The following ENTPD8 variants were observed in gnomAD, a reference collection of about 807,000 sequenced individuals.
ENTPD8 encodes the protein E-NTPDase 8.
Under a neutral mutation model 47.0 loss-of-function variants are expected in ENTPD8, and 35 were observed. The ratio of observed to expected loss-of-function variants is 0.75; its 90% CI spans 0.57 to 0.99. ENTPD8 has a LOEUF of 0.99. Among genes scored for constraint, ENTPD8 ranks in the 50% least tolerant of loss-of-function variants. ENTPD8 has a pLI of 0.00. For missense variants in ENTPD8, 668 were observed against 649.9 expected (o/e 1.03, Z -0.30); for synonymous variants, 308 against 290.5 (o/e 1.06, Z -0.61).
chr9:137,438,261 C>A lies in ENTPD8; in HGVS notation c.25G>T (p.Val9Phe). The A allele has an allele frequency of 6.3e-7, 1 of 1,593,504 alleles. No homozygotes were observed. The change falls in exon 2 of 10, where the codon GTC becomes TTC. Residue 9 changes from valine to phenylalanine, a missense_variant. Physicochemically the swap from Val to Phe is conservative, Grantham distance 50. Coordinates refer to ENST00000371506, the MANE Select transcript of ENTPD8 (RefSeq NM_001033113.2). The surrounding 1 kb of genome is among the most constrained non-coding windows in gnomAD (Gnocchi z 5.7). ...GAGGCCCCCAGCAGGGCCAAGAAGA[C>A]CTGCTCCTTCCGGGACAGCCCCATG... The part of the protein sequence containing the change: MGLSRKEQ[V>F]FLALLGASGV...
rs781139036 is a variant in ENTPD8, at chr9:137,435,119, G to T, written c.1297-14C>A. On this transcript the variant is annotated splice_polypyrimidine_tract_variant and intron_variant, in intron 9 of 9. Transcript: ENST00000371506. The stretch of plus-strand genomic sequence containing the variant: ...CACACCGCCCGCCTGCGGGACACAC[G>T]GCTGCTCAGGGCTGCGGGGCAGCTA... 1.2e-6 allele frequency: 2 copies of T among 1,604,002 alleles called. No homozygotes were observed. Among genetic ancestry groups the T allele is most frequent in the South Asian group, 2.2e-5 (2 of 90,456 alleles).
At chr9:137,437,559 A>G (rs540614292) in intron 3 of ENTPD8, among the ~76,000 whole-genome samples, 6 of 152,110 alleles carry the variant, frequency 3.9e-5, no homozygotes, top group African/African-American at 1.4e-4. Flanking sequence ...TAAGCCCCCA[A>G]TTTGTGGTAA....
At chr9:137,439,840 C>G (rs1036673795) in intron 1 of ENTPD8, among the ~76,000 whole-genome samples, 2 of 151,932 alleles carry the variant, frequency 1.3e-5, no homozygotes, top group Non-Finnish European at 2.9e-5. Context: ...AAGACCAGAA[C>G]AGCCTCCCAG....
Position 137,435,343 on chromosome 9 carries a change from G to C in ENTPD8, c.1162-5C>G. The C allele has an allele frequency of 6.2e-7, 1 of 1,607,656 alleles. No homozygotes were observed. Among genetic ancestry groups the C allele is most frequent in the Non-Finnish European group, 8.5e-7 (1 of 1,177,626 alleles). ...CCCAGGGTAGCTGGCCTCCACCTGGGGCCCAGGAGACCAAGAGGCGAGGTG... is the reference window on the plus strand; with the variant it reads ...CCCAGGGTAGCTGGCCTCCACCTGGCGCCCAGGAGACCAAGAGGCGAGGTG... On this transcript the variant is annotated splice_region_variant and splice_polypyrimidine_tract_variant and intron_variant, in intron 8 of 9. Transcript: ENST00000371506.
rs765149820 is a variant in ENTPD8 at position 137,438,234 on chromosome 9, C to G, written c.52G>C (p.Gly18Arg). 1.0e-5 allele frequency: 16 copies of G among 1,601,718 alleles called. No homozygotes were observed. Among genetic ancestry groups the G allele is most frequent in the Non-Finnish European group, 1.4e-5 (16 of 1,174,794 alleles). Residue 18 changes from glycine (G) to arginine (R), a missense_variant, in exon 2 of 10, where the codon GGG (glycine) becomes CGG (arginine). Coordinates refer to ENST00000371506, the MANE Select transcript of ENTPD8 (RefSeq NM_001033113.2). This position sits in a 1 kb window ranked among gnomAD's most constrained non-coding sequence, Gnocchi z 5.7. ...ATGAGTGCCGTGAGGCCTGAGACCCCCGAGGCCCCCAGCAGGGCCAAGAAG... is the reference window on the plus strand; with the variant it reads ...ATGAGTGCCGTGAGGCCTGAGACCCGCGAGGCCCCCAGCAGGGCCAAGAAG... ...QVFLALLGASGVSGLTALILL... is the reference protein window; with the variant it reads ...QVFLALLGASRVSGLTALILL...
rs750068597 is a variant in ENTPD8, at chr9:137,436,076, G to A, written c.987C>T (p.Cys329=). The change falls in exon 7 of 10, where the codon TGC becomes TGT. Residue 329 remains cysteine (C), a synonymous_variant. Coordinates refer to ENST00000371506, the MANE Select transcript of ENTPD8 (RefSeq NM_001033113.2). The part of the protein sequence containing the change: ...AIRELFNFSS[C]QGQEDCAFDG... Reference sequence around the variant, plus strand: ...CAAAGGCGCAGTCCTCCTGGCCCTGGCAGCTGGAGAAGTTGAAAAGTTCCC... The same window carrying A: ...CAAAGGCGCAGTCCTCCTGGCCCTGACAGCTGGAGAAGTTGAAAAGTTCCC... 1.2e-6 allele frequency: 2 copies of A among 1,612,894 alleles called. No individual in the cohort carries two copies. The highest frequency in any genetic ancestry group is 1.3e-5 in the African/African-American group (1 of 74,950).
At chr9:137,435,693 A>T in intron 8 of ENTPD8, 26 bp downstream of exon 8, 1 of 1,592,198 alleles carries the variant, frequency 6.3e-7, no homozygotes, top group Non-Finnish European at 8.6e-7. Flanking sequence ...CCCTCGCTGC[A>T]GCCAGGGAGC....
At chr9:137,436,460 CAGCCCTGTGCCCAT>C in intron 6 of ENTPD8, 47 bp downstream of exon 6, 4 of 1,519,890 alleles carry the variant, frequency 2.6e-6, no homozygotes, top group Non-Finnish European at 3.6e-6. Context: ...TGACCCACGC[CAGCCCTGTGCCCAT>C]AGCCCTGTTC....
chr9:137,439,716 C>A (rs1306130386), intron 1 of ENTPD8, among the ~76,000 whole-genome samples: 1 of 152,068 alleles, frequency 6.6e-6, no homozygotes, highest in Non-Finnish European at 1.5e-5. Flanking sequence ...GTGACAGGGG[C>A]CAGGAACACA....
Position 137,434,827 on chromosome 9 carries a change from C to A in ENTPD8, c.*87G>T, listed in dbSNP as rs948970748. On this transcript the variant is annotated 3_prime_UTR_variant, in exon 10 of 10. Coordinates refer to ENST00000371506, the MANE Select transcript of ENTPD8 (RefSeq NM_001033113.2). ...CCGTGGGCAGAGCCACAGAGCAAGG[C>A]CCCACGGCGCTCAGGGCTCAGGAAG... 2.8e-6 allele frequency: 4 copies of A among 1,438,400 alleles called. No individual in the cohort carries two copies. In the Admixed American group the frequency reaches 9.9e-5, roughly 36 times the overall value. 89.1% of individuals were successfully genotyped at this position (1,438,400 alleles called of 1,614,324 possible).
At chr9:137,435,692 C>T (rs772868425) in intron 8 of ENTPD8, 27 bp downstream of exon 8, 48 of 1,590,504 alleles carry the variant, frequency 3.0e-5, no homozygotes, top group Non-Finnish European at 3.8e-5. Flanking sequence ...ACCCTCGCTG[C>T]AGCCAGGGAG....
Position 137,438,439 on chromosome 9 carries a change from G to T in ENTPD8, c.-20-134C>A, listed in dbSNP as rs1230774526. On this transcript the variant is annotated intron_variant, in intron 1 of 9. Coordinates refer to ENST00000371506, the MANE Select transcript of ENTPD8 (RefSeq NM_001033113.2). This position sits in a 1 kb window ranked among gnomAD's most constrained non-coding sequence, Gnocchi z 5.7. The stretch of plus-strand genomic sequence containing the variant: ...CCACTTGCCTTAGAGGCATCTCCGG[G>T]GCTCAGACGCCTCCCGTGGCCATAG... The T allele has an allele frequency of 9.8e-7, 1 of 1,016,396 alleles. No individual in the cohort carries two copies. Among genetic ancestry groups the T allele is most frequent in the African/African-American group, 1.6e-5 (1 of 61,144 alleles). 63.0% of individuals were successfully genotyped at this position (1,016,396 alleles called of 1,614,324 possible).
chr9:137,439,626 G>A (rs1368634199), intron 1 of ENTPD8, among the ~76,000 whole-genome samples: 5 of 152,058 alleles, frequency 3.3e-5, no homozygotes, highest in Non-Finnish European at 7.4e-5. Context: ...GAGGACAGGA[G>A]GCCGGTCCAG....
rs6606582 is a variant in ENTPD8, at chr9:137,438,026, A to G, written c.185T>C (p.Leu62Pro). 1,517,145 of 1,612,932 alleles carry G rather than the reference A, an allele frequency of 0.94. 713,878 individuals are homozygous for G. Among genetic ancestry groups the G allele is most frequent in the East Asian group, 1 (44,858 of 44,868 alleles). Residue 62 changes from leucine (L) to proline (P), a missense_variant, in exon 3 of 10, where the codon CTG becomes CCG. Leu to Pro is a moderately conservative substitution (Grantham distance 98). Transcript: ENST00000371506. This position sits in a 1 kb window ranked among gnomAD's most constrained non-coding sequence, Gnocchi z 5.7. ...SHTSLFLYQW[L>P]ANKENGTGVV... ...ACCCGTGCCATTCTCCTTGTTCGCC[A>G]GCCACTGATACAGGAAGAGGGACGT...
In ENTPD8 at chr9:137,434,402, C is replaced by T. The variant is rs373454866; in HGVS notation, c.*512G>A. On this transcript the variant is annotated 3_prime_UTR_variant, in exon 10 of 10. Coordinates refer to ENST00000371506, the MANE Select transcript of ENTPD8 (RefSeq NM_001033113.2). ...ATGCTTTTAATAAAAACAACCCCCA[C>T]TGCAGTCTCACCCTCCAAGTGGGTG... 2.8e-5 allele frequency: 43 copies of T among 1,529,962 alleles called. No homozygotes were observed. The African/African-American group carries it at 4.8e-4, about 17-fold the overall frequency. The allele number at this position is 1,529,962 out of a possible 1,614,324, so 94.8% of individuals were successfully genotyped here.
chr9:137,436,359 C>T lies in ENTPD8; in HGVS notation c.787-83G>A. On this transcript the variant is annotated intron_variant, in intron 6 of 9. Transcript: ENST00000371506. Reference sequence around the variant, plus strand: ...CCCGGGGCCGGATGACCCACGCCAGCCCCGCGCCCATACCCTGTGCGCCCT... The same window carrying T: ...CCCGGGGCCGGATGACCCACGCCAGTCCCGCGCCCATACCCTGTGCGCCCT... The T allele has an allele frequency of 6.2e-6, 9 of 1,442,402 alleles. No homozygotes were observed. The South Asian group carries it at 1.2e-4, about 20-fold the overall frequency. The allele number at this position is 1,442,402 out of a possible 1,614,324, so 89.4% of individuals were successfully genotyped here.
rs1839282504 is a variant in ENTPD8, at chr9:137,434,594, C to T, written c.*320G>A. Reference sequence around the variant, plus strand: ...AGCAGGACCCCTGTGCCTCCGTGGTCTTGCCCTGTTTGCAGGCAGCATGTG... The same window carrying T: ...AGCAGGACCCCTGTGCCTCCGTGGTTTTGCCCTGTTTGCAGGCAGCATGTG... On this transcript the variant is annotated 3_prime_UTR_variant, in exon 10 of 10. Transcript: ENST00000371506. 1 of 595,984 alleles carries T rather than the reference C, an allele frequency of 1.7e-6. No individual in the cohort carries two copies. Among genetic ancestry groups the T allele is most frequent in the Non-Finnish European group, 2.9e-6 (1 of 347,480 alleles). 36.9% of individuals were successfully genotyped at this position (595,984 alleles called of 1,614,324 possible). A position where few individuals can be genotyped will look rare whatever the true frequency, so the allele number is the denominator to read the frequency against.
intron 1 of ENTPD8, among the ~76,000 whole-genome samples, chr9:137,440,008 G>GC (rs1331706985): frequency 2.7e-5 from 1 of 37,294 alleles, no homozygotes; most frequent in African/African-American, 1.3e-4. Context: ...GACCAGGACA[G>GC]CCCCCCCCAG....
At chr9:137,437,886 A>G (rs1839412646) in intron 3 of ENTPD8, 81 bp downstream of exon 3, 4 of 1,311,750 alleles carry the variant, frequency 3.0e-6, no homozygotes, top group South Asian at 1.3e-5. Flanking sequence ...AACCTCTCCA[A>G]ACCCTTTCCG....
Sources: gnomAD v4.1 joint callset for allele counts (sites outside exome capture counted in the v4.1 genomes callset) on GRCh38, gnomAD v4.1.1 for gene constraint, Gnocchi (gnomAD v3.1) non-coding constraint, MANE v1.5 for transcripts, NCBI Gene and HGNC (gene_info 2026-07-23, HGNC 2026-07-21) for gene names.